NPAS3: variants seen among roughly 807,000 people sequenced by gnomAD.
NPAS3 encodes the protein neuronal PAS domain protein 3.
Under a neutral mutation model 73.1 loss-of-function variants are expected in NPAS3, and 14 were observed. The ratio of observed to expected loss-of-function variants is 0.19; its 90% CI spans 0.13 to 0.30. The LOEUF (loss-of-function observed/expected upper bound fraction) is 0.30, where lower values mean the gene tolerates loss of function less well. NPAS3 is among the 10% of genes least tolerant of loss of function. The probability of loss-of-function intolerance (pLI) is 1.00; values close to 1 mark genes in which losing one functional copy is unlikely to be tolerated. For missense variants in NPAS3, 1,096 were observed against 1,250.0 expected, an observed-to-expected ratio of 0.88 and a Z score of 1.86; for synonymous variants, 620 against 541.5, an observed-to-expected ratio of 1.14 and a Z score of -2.01.
At chr14:33,707,607 C>T (rs537974932) in intron 6 of NPAS3, among the ~76,000 whole-genome samples, 1 of 152,290 alleles carries the variant, frequency 6.6e-6, no homozygotes, top group African/African-American at 2.4e-5. Flanking sequence ...CGCAGGAATG[C>T]AGTCGGGTGG....
intron 3 of NPAS3, among the ~76,000 whole-genome samples, chr14:33,355,245 A>C (rs61972748): frequency 0.13 from 19,088 of 152,178 alleles, 1,583 homozygotes; most frequent in South Asian, 0.21. Context: ...CTTTTCTCTT[A>C]CATCTTTGAA....
chr14:33,715,816 G>T (rs1310812665), intron 6 of NPAS3, among the ~76,000 whole-genome samples: 3 of 152,184 alleles, frequency 2.0e-5, no homozygotes, highest in African/African-American at 7.2e-5. Context: ...TGAATCATGG[G>T]AGTGGGTTTT....
intron 3 of NPAS3, among the ~76,000 whole-genome samples, chr14:33,344,541 G>GTC (rs2044638813): frequency 6.6e-6 from 1 of 152,106 alleles, no homozygotes; most frequent in African/African-American, 2.4e-5. Flanking sequence ...CACCAACTGA[G>GTC]TCTCTGATCA....
intron 4 of NPAS3, among the ~76,000 whole-genome samples, chr14:33,544,935 A>G (rs2054772478): frequency 1.3e-5 from 2 of 148,372 alleles, no homozygotes; most frequent in Non-Finnish European, 3.0e-5. Context: ...CTTATTTTAA[A>G]ATGGTCATGC....
At chr14:33,236,290 G>A (rs1246348333) in intron 3 of NPAS3, among the ~76,000 whole-genome samples, 2 of 151,932 alleles carry the variant, frequency 1.3e-5, no homozygotes, top group African/African-American at 4.8e-5. Flanking sequence ...CTCAAGCTCT[G>A]GCCTGCTCCT....
chr14:33,179,242 A>G (rs577810034), intron 2 of NPAS3, among the ~76,000 whole-genome samples: 1 of 152,296 alleles, frequency 6.6e-6, no homozygotes, highest in Non-Finnish European at 1.5e-5. Context: ...CTACCATTCA[A>G]GATTGTTTTG....
At chr14:33,633,326 C>A (rs2058430757) in intron 5 of NPAS3, among the ~76,000 whole-genome samples, 1 of 152,086 alleles carries the variant, frequency 6.6e-6, no homozygotes, top group African/African-American at 2.4e-5. Context: ...CTGTATCTAT[C>A]ATTGAAATAA....
At chr14:33,578,999 A>T (rs1256757140) in intron 5 of NPAS3, among the ~76,000 whole-genome samples, 7 of 152,244 alleles carry the variant, frequency 4.6e-5, no homozygotes, top group African/African-American at 1.7e-4. Context: ...CAGTATGAGC[A>T]TTAATGACAA....
Position 33,792,881 on chromosome 14 carries a change from G to A in NPAS3, c.1154-1016G>A, listed in dbSNP as rs564687856. ...ACTGCCCTCTAGTGGCCAGCCAGCC[G>A]GTGAGCTTTCGCGGGGCGCCGAGTT... On this transcript the variant is annotated intron_variant, in intron 9 of 11. Transcript: ENST00000356141. Among the ~76,000 whole-genome samples, 3 of 152,320 alleles carry A rather than the reference G, an allele frequency of 2.0e-5. No homozygotes were observed. In the South Asian group the frequency reaches 6.2e-4, roughly 32 times the overall value.
chr14:33,226,856 A>T (rs758079306), intron 3 of NPAS3, among the ~76,000 whole-genome samples: 1 of 152,184 alleles, frequency 6.6e-6, no homozygotes, highest in African/African-American at 2.4e-5. Flanking sequence ...GGGAAATAAG[A>T]CTGTTGAATA....
chr14:33,452,799 A>AAAT (rs2049860613), intron 4 of NPAS3, among the ~76,000 whole-genome samples: 2 of 149,222 alleles, frequency 1.3e-5, no homozygotes, highest in Non-Finnish European at 3.0e-5. Context: ...AAAAAAAAAA[A>AAAT]GGCAAGTCAT....
intron 3 of NPAS3, among the ~76,000 whole-genome samples, chr14:33,365,038 T>C (rs2140409352): frequency 6.6e-6 from 1 of 151,778 alleles, no homozygotes; most frequent in African/African-American, 2.4e-5. Context: ...GTGATTTATT[T>C]TGAACTTTGT....
At chr14:33,428,039 A>G (rs1483477465) in intron 4 of NPAS3, among the ~76,000 whole-genome samples, 2 of 152,130 alleles carry the variant, frequency 1.3e-5, no homozygotes, top group African/African-American at 2.4e-5. Flanking sequence ...TTCGTTGAAT[A>G]TAAGATGAAG....
intron 3 of NPAS3, among the ~76,000 whole-genome samples, chr14:33,265,759 C>A (rs776177933): frequency 1.3e-5 from 2 of 151,986 alleles, no homozygotes; most frequent in African/African-American, 4.8e-5. Context: ...CTGCTACTTT[C>A]TTTGTTACTT....
At chr14:33,379,255 G>T in intron 4 of NPAS3, among the ~76,000 whole-genome samples, 2 of 148,320 alleles carry the variant, frequency 1.3e-5, no homozygotes, top group Non-Finnish European at 1.5e-5. Flanking sequence ...CAAGTTTTTT[G>T]GTAAAACTTC....
chr14:33,656,373 C>A lies in NPAS3; in HGVS notation c.559-19838C>A, dbSNP rs76140435. ...GTCACATTATTCATCTTATTTAATT[C>A]TCTCAACAACCCAAGAGTAAGTTGT... On this transcript the variant is annotated intron_variant, in intron 5 of 11. Coordinates refer to ENST00000356141, the Ensembl canonical transcript of NPAS3. Among the ~76,000 whole-genome samples, 262 of 152,264 alleles carry A rather than the reference C, an allele frequency of 1.7e-3. 6 individuals are homozygous for A. The East Asian group carries it at 0.044, about 25-fold the overall frequency.
chr14:33,318,718 T>C (rs2043311098), intron 3 of NPAS3, among the ~76,000 whole-genome samples: 2 of 152,146 alleles, frequency 1.3e-5, no homozygotes, highest in African/African-American at 2.4e-5. Context: ...TGGGGAAATG[T>C]ATAGTCATAA....
At chr14:33,706,195 A>G (rs748103990) in intron 6 of NPAS3, among the ~76,000 whole-genome samples, 2 of 152,334 alleles carry the variant, frequency 1.3e-5, no homozygotes, top group Non-Finnish European at 2.9e-5. Flanking sequence ...TTACATCAAA[A>G]TATGAGCTAG....
At chr14:33,652,764 G>A (rs1437247184) in intron 5 of NPAS3, among the ~76,000 whole-genome samples, 1 of 152,138 alleles carries the variant, frequency 6.6e-6, no homozygotes, top group Non-Finnish European at 1.5e-5. Flanking sequence ...TCTCAAATTG[G>A]ACTTAAGCAG....
Sources: gnomAD v4.1 joint callset for allele counts (sites outside exome capture counted in the v4.1 genomes callset) on GRCh38, gnomAD v4.1.1 for gene constraint, MANE v1.5 for transcripts, NCBI Gene and HGNC (gene_info 2026-07-23, HGNC 2026-07-21) for gene names.